Variants in ADAP1 observed in about 807,000 individuals in gnomAD.
ADAP1 encodes the protein ArfGAP with dual PH domains 1, also known as arf-GAP with dual PH domain-containing protein 1.
A neutral mutation model predicts 54.9 loss-of-function variants in ADAP1; 31 were observed. That is an observed-to-expected ratio of 0.56 (90% CI 0.42 to 0.76). ADAP1 has a LOEUF of 0.76. Among genes scored for constraint, ADAP1 ranks in the 30% least tolerant of loss-of-function variants. The pLI, the probability that ADAP1 is intolerant of heterozygous loss-of-function variation, is 0.00. For synonymous variants in ADAP1, 313 were observed against 202.6 expected (o/e 1.55, Z -4.63); for missense variants, 535 against 512.4 (o/e 1.04, Z -0.42).
At chr7:955,010 G>A (rs1847352869), upstream of ADAP1, among the ~76,000 whole-genome samples, 1 of 152,174 alleles carries the variant, frequency 6.6e-6, no homozygotes, top group South Asian at 2.1e-4. Context: ...GCATGGGGGT[G>A]CTCGTGGAAG....
At chr7:910,392 G>C (rs1845675214) in intron 4 of ADAP1, among the ~76,000 whole-genome samples, 1 of 152,034 alleles carries the variant, frequency 6.6e-6, no homozygotes, top group Admixed American at 6.6e-5. Context: ...TGGGACCACA[G>C]ATGCACGCCA....
At chr7:912,336 G>A (rs765759865) in intron 4 of ADAP1, among the ~76,000 whole-genome samples, 8 of 152,190 alleles carry the variant, frequency 5.3e-5, no homozygotes, top group Non-Finnish European at 1.0e-4. Flanking sequence ...GGCCCGAGGC[G>A]GGGCCAGCCC....
chr7:954,706 C>T (rs902620065), upstream of ADAP1: 2,949 of 981,628 alleles, frequency 3.0e-3, 9 homozygotes, highest in Non-Finnish European at 3.3e-3. Context: ...GGGGCGCACG[C>T]TGCGCTCTGG....
At chr7:899,563 C>A in intron 8 of ADAP1, 73 bp from the exon 9 acceptor site, 1 of 1,524,996 alleles carries the variant, frequency 6.6e-7, no homozygotes, top group Non-Finnish European at 8.9e-7. Flanking sequence ...CACAGCACAC[C>A]CCGGAGGGCA....
At chr7:907,453 G>A (rs186646295) in intron 4 of ADAP1, among the ~76,000 whole-genome samples, 9 of 152,274 alleles carry the variant, frequency 5.9e-5, no homozygotes, top group Admixed American at 5.9e-4. Context: ...CGAGTCTCGG[G>A]CCCGTGGGAT....
intron 5 of ADAP1, 44 bp downstream of exon 5, chr7:905,016 C>A: frequency 6.4e-7 from 1 of 1,561,824 alleles, no homozygotes; most frequent in Non-Finnish European, 8.7e-7. Flanking sequence ...GGCCGGGATG[C>A]CGCCCTGGGA....
At position 901,854 on chromosome 7, in the gene ADAP1, G is replaced by C. The variant is rs938728446; in HGVS notation, c.649-1238C>G. Among the ~76,000 whole-genome samples, 10 of 143,992 alleles carry C rather than the reference G, an allele frequency of 6.9e-5. No individual in the cohort carries two copies. The Admixed American group carries it at 7.3e-4, about 11-fold the overall frequency. The allele number at this position is 143,992 out of a possible 152,430, so 94.5% of individuals were successfully genotyped here. A position where few individuals can be genotyped will look rare whatever the true frequency, so the allele number is the denominator to read the frequency against. On this transcript the variant is annotated intron_variant, in intron 6 of 10. Coordinates refer to ENST00000265846, the MANE Select transcript of ADAP1 (RefSeq NM_006869.4). Reference sequence around the variant, plus strand: ...AAGCTGAACCCGTCCACACCACACTGCCCCAAAGGCCTTGGGAATTCACAG... The same window carrying C: ...AAGCTGAACCCGTCCACACCACACTCCCCCAAAGGCCTTGGGAATTCACAG...
chr7:930,413 C>A (rs565174854), intron 2 of ADAP1, among the ~76,000 whole-genome samples: 11 of 18,536 alleles, frequency 5.9e-4, no homozygotes, highest in Non-Finnish European at 8.4e-4. Context: ...CGCGGTGGCT[C>A]ACACCTGTAA....
chr7:914,776 C>T (rs990815354), intron 4 of ADAP1, among the ~76,000 whole-genome samples: 4 of 152,306 alleles, frequency 2.6e-5, no homozygotes, highest in African/African-American at 9.6e-5. Flanking sequence ...CTGCACAGCA[C>T]CCAGAGACAG....
At chr7:903,826 G>C in intron 6 of ADAP1, 1 of 317,446 alleles carries the variant, frequency 3.2e-6, no homozygotes, top group South Asian at 3.6e-5. Flanking sequence ...AGCCCCCACT[G>C]ACAGGGCCAA....
At chr7:936,385 G>A (rs34052476) in intron 1 of ADAP1, among the ~76,000 whole-genome samples, 31,279 of 151,870 alleles carry the variant, frequency 0.21, 3,595 homozygotes, top group African/African-American at 0.3. Context: ...TGGAGATGGG[G>A]TTTCATCATG....
At position 915,832 on chromosome 7, in the gene ADAP1, C is replaced by T. The variant is rs187754512; in HGVS notation, c.388+4136G>A. Among the ~76,000 whole-genome samples the T allele has an allele frequency of 7.1e-3, 1,084 of 152,138 alleles. 5 individuals carry two copies. The highest frequency in any genetic ancestry group is 0.013 in the Non-Finnish European group (874 of 67,958). On this transcript the variant is annotated intron_variant, in intron 4 of 10. Transcript: ENST00000265846. Reference sequence around the variant, plus strand: ...ACGCCCACTGCCGACGAGACGCTGTCTGCCACCCGCCTGCAGAACCCAGAA... The same window carrying T: ...ACGCCCACTGCCGACGAGACGCTGTTTGCCACCCGCCTGCAGAACCCAGAA...
intron 2 of ADAP1, among the ~76,000 whole-genome samples, chr7:932,247 C>T (rs1846606756): frequency 6.6e-6 from 1 of 152,218 alleles, no homozygotes; most frequent in South Asian, 2.1e-4. Context: ...TGGTAATACC[C>T]ACGGTGGGCC....
intron 4 of ADAP1, among the ~76,000 whole-genome samples, chr7:906,537 AGGAGAAG>A (rs1845365258): frequency 9.3e-5 from 3 of 32,394 alleles, no homozygotes; most frequent in Admixed American, 6.0e-4. Context: ...GAAAGGAGAA[AGGAGAAG>A]GGAGAAAGGG....
chr7:903,875 TG>T, intron 6 of ADAP1: 1 of 454,446 alleles, frequency 2.2e-6, no homozygotes, highest in Non-Finnish European at 3.9e-6. Context: ...ATCCGGCTCC[TG>T]GGCAGCCCGG....
At chr7:903,157 A>G (rs907811160) in intron 6 of ADAP1, among the ~76,000 whole-genome samples, 8 of 152,116 alleles carry the variant, frequency 5.3e-5, no homozygotes, top group African/African-American at 1.7e-4. Context: ...GCGGCAACAC[A>G]TGGTCAACTG....
intron 3 of ADAP1, among the ~76,000 whole-genome samples, chr7:923,975 A>C (rs1204991037): frequency 6.6e-6 from 1 of 151,870 alleles, no homozygotes; most frequent in Non-Finnish European, 1.5e-5. Context: ...CCCACGAGCC[A>C]CAGAGCCGGA....
chr7:898,741 G>C lies in ADAP1; in HGVS notation c.*180C>G. The C allele has an allele frequency of 1.3e-6, 1 of 763,736 alleles. No individual in the cohort carries two copies. Among genetic ancestry groups the C allele is most frequent in the Non-Finnish European group, 2.1e-6 (1 of 468,840 alleles). The allele number at this position is 763,736 out of a possible 1,614,324, so 47.3% of individuals were successfully genotyped here. A position where few individuals can be genotyped will look rare whatever the true frequency, so the allele number is the denominator to read the frequency against. ...ATCAGGCCCAGGGCCTGGGCTGCCT[G>C]CCTTGAGGTTCCAGAGAAGCATCCT... On this transcript the variant is annotated 3_prime_UTR_variant, in exon 11 of 11. Transcript: ENST00000265846.
chr7:914,365 G>A (rs2128102222), intron 4 of ADAP1, among the ~76,000 whole-genome samples: 1 of 152,328 alleles, frequency 6.6e-6, no homozygotes, highest in African/African-American at 2.4e-5. Flanking sequence ...CCGTGATAAA[G>A]GGCTCTGGTG....
Sources: gnomAD v4.1 joint callset for allele counts (sites outside exome capture counted in the v4.1 genomes callset) on GRCh38, gnomAD v4.1.1 for gene constraint, MANE v1.5 for transcripts, NCBI Gene and HGNC (gene_info 2026-07-23, HGNC 2026-07-21) for gene names.